Variants in GUCY2D observed in about 807,000 individuals in gnomAD.
The protein encoded by GUCY2D is retinal guanylyl cyclase 1.
Under a neutral mutation model 101.3 loss-of-function variants are expected in GUCY2D, and 70 were observed. The ratio of observed to expected loss-of-function variants is 0.69; its 90% confidence interval spans 0.57 to 0.84. GUCY2D has a LOEUF of 0.84. Ranked by LOEUF, GUCY2D falls within the 40% of genes least tolerant of loss-of-function variation. The pLI is 0.00. For synonymous variants in GUCY2D, 688 were observed against 670.7 expected (o/e 1.03, Z -0.40); for missense variants, 1,460 against 1,542.5 (o/e 0.95, Z 0.90).
chr17:8,004,142 C>G lies in GUCY2D; in HGVS notation c.1012C>G (p.Leu338Val), dbSNP rs2151799779. The change falls in exon 3 of 20, where the codon CTC becomes GTC. Residue 338 changes from leucine (L) to valine (V), a missense_variant. Physicochemically the swap from Leu to Val is conservative, Grantham distance 32 (BLOSUM62 1). Around this residue, in one of 3 missense-constraint regions of GUCY2D, gnomAD observed 1,196 missense variants for 1,229.6 expected, o/e 0.97. Transcript: ENST00000254854. ...AQERRELPSD[L>V]NLQQVSPLFG... ...AGAGCGCCGCGAGCTGCCCTCTGAC[C>G]TCAATCTGCAGCAGGTAGACGGTCC... 1 of 1,592,972 alleles carries G rather than the reference C, an allele frequency of 6.3e-7. No homozygotes were observed. The highest frequency in any genetic ancestry group is 8.5e-7 in the Non-Finnish European group (1 of 1,174,658).
Position 8,016,430 on chromosome 17 carries a change from C to T in GUCY2D, c.3225-13C>T. 8 of 1,548,634 alleles carry T rather than the reference C, an allele frequency of 5.2e-6. No individual in the cohort carries two copies. Among genetic ancestry groups the T allele is most frequent in the Non-Finnish European group, 7.0e-6 (8 of 1,144,670 alleles). On this transcript the variant is annotated splice_polypyrimidine_tract_variant and intron_variant, in intron 18 of 19. Transcript: ENST00000254854. Reference sequence around the variant, plus strand: ...CATTCCCCTTCCCTGAGGCCACCGCCCCCTCCTTGCAGGTCCAGCAACCAC... The same window carrying T: ...CATTCCCCTTCCCTGAGGCCACCGCTCCCTCCTTGCAGGTCCAGCAACCAC...
chr17:8,005,682 A>G (rs1975723266), intron 3 of GUCY2D, among the ~76,000 whole-genome samples: 2 of 152,032 alleles, frequency 1.3e-5, no homozygotes, highest in African/African-American at 4.8e-5. Context: ...AGTTTCCCCT[A>G]CTTTTACTCA....
chr17:8,015,895 T>A (rs1380473156), intron 16 of GUCY2D, 32 bp from the exon 17 acceptor site: 4 of 1,594,124 alleles, frequency 2.5e-6, no homozygotes, highest in Non-Finnish European at 3.4e-6. Flanking sequence ...GGGAGGTGAG[T>A]CCCGAGCTCA....
Position 8,002,971 on chromosome 17 carries a change from G to T in GUCY2D, c.-9-68G>T. 1 of 1,231,588 alleles carries T rather than the reference G, an allele frequency of 8.1e-7. No homozygotes were observed. The highest frequency in any genetic ancestry group is 1.1e-6 in the Non-Finnish European group (1 of 890,450). 76.3% of individuals were successfully genotyped at this position (1,231,588 alleles called of 1,614,324 possible). On this transcript the variant is annotated intron_variant, in intron 1 of 19. Coordinates refer to ENST00000254854, the MANE Select transcript of GUCY2D (RefSeq NM_000180.4). This position sits in a 1 kb window ranked among gnomAD's most constrained non-coding sequence, Gnocchi z 4.9. ...GTTACTCGGGCTTGGAGAAACTCGG[G>T]GTTACGGGGAGAACCCTAGGGGAGG... is the stretch of plus-strand genomic sequence containing the variant.
chr17:8,016,515 G>C lies in GUCY2D; in HGVS notation c.3297G>C (p.Pro1099=). ...GACGGAAGCTGGAGAAGGCGCGGCC[G>C]GGCCAGTTCTCTTGAGAAGTGAGGC... ...ERRRKLEKAR[P]GQFS Residue 1099 remains proline, a synonymous_variant, in exon 19 of 20, where the codon CCG becomes CCC. Transcript: ENST00000254854. The C allele has an allele frequency of 4.5e-6, 7 of 1,568,972 alleles. No homozygotes were observed. Among genetic ancestry groups the C allele is most frequent in the Non-Finnish European group, 6.0e-6 (7 of 1,158,016 alleles).
chr17:8,007,350 C>G (rs532339805), intron 5 of GUCY2D, 76 bp from the exon 6 acceptor site: 1 of 1,069,654 alleles, frequency 9.3e-7, no homozygotes, highest in Non-Finnish European at 1.5e-6. Flanking sequence ...CAACGTTATC[C>G]CTCCCCCGCA....
rs1975918552 is a variant in GUCY2D at position 8,014,361 on chromosome 17, T to A, written c.2413-240T>A. The A allele has an allele frequency of 3.3e-6, 2 of 613,700 alleles. No homozygotes were observed. The highest frequency in any genetic ancestry group is 3.7e-5 in the South Asian group (2 of 53,390). 38.0% of individuals were successfully genotyped at this position (613,700 alleles called of 1,614,324 possible). On this transcript the variant is annotated intron_variant, in intron 12 of 19. Transcript: ENST00000254854. The surrounding 1 kb of genome is among the most constrained non-coding windows in gnomAD (Gnocchi z 4.0). ...AACGATTGGGCTGGCTCCAGTGCCC[T>A]GTCAATTACTAGCTGAGATCAACTG...
In GUCY2D at chr17:8,015,992, G is replaced by A. The variant is rs1186594594; in HGVS notation, c.3109G>A (p.Val1037Met). ...ILRALDSGYQ[V>M]ELRGRTELKG... ...CCGTGCTCTGGACTCGGGCTACCAG[G>A]TGGAGCTGCGAGGCCGCACGGAGCT... Residue 1037 changes from valine (V) to methionine (M), a missense_variant, in exon 17 of 20, where the codon GTG becomes ATG. Val to Met is a conservative substitution (Grantham distance 21). Around this residue, in one of 3 missense-constraint regions of GUCY2D, gnomAD observed 215 missense variants for 227.9 expected, o/e 0.94. Transcript: ENST00000254854. 6.2e-6 allele frequency: 10 copies of A among 1,610,728 alleles called. No individual in the cohort carries two copies. In the South Asian group the frequency reaches 8.9e-5, roughly 14 times the overall value.
At chr17:8,018,836 CTT>C (rs879429161) in intron 19 of GUCY2D, among the ~76,000 whole-genome samples, 4 of 141,546 alleles carry the variant, frequency 2.8e-5, no homozygotes, top group African/African-American at 5.2e-5. Context: ...ACTTTGCCTT[CTT>C]TTTTTTTTTT....
At chr17:8,012,967 A>T in intron 10 of GUCY2D, 136 bp from the exon 11 acceptor site, 1 of 720,018 alleles carries the variant, frequency 1.4e-6, no homozygotes, top group Non-Finnish European at 2.3e-6. Flanking sequence ...AGATAGTTGC[A>T]GGGCTGGTCT....
rs1424137999 is a variant in GUCY2D, at chr17:8,003,584, C to T, written c.537C>T (p.Phe179=). 1.9e-6 allele frequency: 3 copies of T among 1,584,200 alleles called. No individual in the cohort carries two copies. Among genetic ancestry groups the T allele is most frequent in the Non-Finnish European group, 2.6e-6 (3 of 1,172,044 alleles). ...ADALYALLRA[F]GWARVALVTA... Reference sequence around the variant, plus strand: ...CCCTCTACGCCCTGCTTCGCGCATTCGGCTGGGCGCGCGTGGCCCTGGTCA... The same window carrying T: ...CCCTCTACGCCCTGCTTCGCGCATTTGGCTGGGCGCGCGTGGCCCTGGTCA... The change falls in exon 2 of 20, where the codon TTC becomes TTT. Residue 179 remains phenylalanine, a synonymous_variant. Transcript: ENST00000254854.
intron 14 of GUCY2D, 43 bp from the exon 15 acceptor site, chr17:8,015,285 G>A (rs552064079): frequency 1.3e-6 from 2 of 1,565,596 alleles, no homozygotes; most frequent in East Asian, 2.2e-5. Flanking sequence ...GTACTCGGGG[G>A]GAATGCTCAA....
In GUCY2D at chr17:8,006,489, G is replaced by T. The variant is rs1975741545; in HGVS notation, c.1153G>T (p.Ala385Ser). 2 of 1,607,970 alleles carry T rather than the reference G, an allele frequency of 1.2e-6. No homozygotes were observed. Among genetic ancestry groups the T allele is most frequent in the Non-Finnish European group, 1.7e-6 (2 of 1,179,954 alleles). ...AGCTGTGGCCCGCCACATCCGGGATGCGCAGGTCCCTGGCTTCTGCGGGGA... is the reference window on the plus strand; with the variant it reads ...AGCTGTGGCCCGCCACATCCGGGATTCGCAGGTCCCTGGCTTCTGCGGGGA... ...GAAVARHIRD[A>S]QVPGFCGDLG... is the part of the protein sequence containing the mutation. The change falls in exon 4 of 20, where the codon GCG becomes TCG. Residue 385 changes from alanine to serine, a missense_variant. Coordinates refer to ENST00000254854, the MANE Select transcript of GUCY2D (RefSeq NM_000180.4).
chr17:8,003,020 G>A lies in GUCY2D; in HGVS notation c.-9-19G>A, dbSNP rs1189018489. The A allele has an allele frequency of 1.3e-6, 2 of 1,522,192 alleles. No individual in the cohort carries two copies. The highest frequency in any genetic ancestry group is 1.8e-6 in the Non-Finnish European group (2 of 1,140,436). 94.3% of individuals were successfully genotyped at this position (1,522,192 alleles called of 1,614,324 possible). A position where few individuals can be genotyped will look rare whatever the true frequency, so the allele number is the denominator to read the frequency against. On this transcript the variant is annotated intron_variant, in intron 1 of 19. Coordinates refer to ENST00000254854, the MANE Select transcript of GUCY2D (RefSeq NM_000180.4). Reference sequence around the variant, plus strand: ...GGCCGGGGTCTCAGTCGCTCAGCCTGCTCCGTCTGTGTTCGCAGAAGCCGG... The same window carrying A: ...GGCCGGGGTCTCAGTCGCTCAGCCTACTCCGTCTGTGTTCGCAGAAGCCGG...
rs1488118274 is a variant in GUCY2D at position 8,015,018 on chromosome 17, T to C, written c.2736T>C (p.Phe912=). 1 of 1,614,054 alleles carries C rather than the reference T, an allele frequency of 6.2e-7. No individual in the cohort carries two copies. ...VDLLNDLYTL[F]DAIIGSHDVY... ...TGCTCAACGATCTCTACACACTCTT[T>C]GATGCCATCATTGGTTCCCACGATG... is the stretch of plus-strand genomic sequence containing the variant. The change falls in exon 14 of 20, where the codon TTT becomes TTC. Residue 912 remains phenylalanine (F), a synonymous_variant. Transcript: ENST00000254854.
In GUCY2D at chr17:8,006,714, G is replaced by A; in HGVS notation, c.1378G>A (p.Gly460Arg). The change falls in exon 4 of 20, where the codon GGA becomes AGA. Residue 460 changes from glycine (G) to arginine (R), a missense_variant and splice_region_variant. Coordinates refer to ENST00000254854, the MANE Select transcript of GUCY2D (RefSeq NM_000180.4). ...WFDPNNICGG[G>R]LEPGLVFLGF... ...CGATCCAAACAACATCTGCGGTGGA[G>A]GTGAGGGCGAGCACCCCAGTCCCCA... is the stretch of plus-strand genomic sequence containing the variant. 1 of 1,599,706 alleles carries A rather than the reference G, an allele frequency of 6.3e-7. No individual in the cohort carries two copies. Among genetic ancestry groups the A allele is most frequent in the Non-Finnish European group, 8.5e-7 (1 of 1,172,334 alleles).
At chr17:8,004,371 A>G (rs1567957677) in intron 3 of GUCY2D, among the ~76,000 whole-genome samples, 1 of 152,200 alleles carries the variant, frequency 6.6e-6, no homozygotes, top group Non-Finnish European at 1.5e-5. Context: ...CAAGTCCAAC[A>G]TCAAGCAGTA....
rs1478009358 is a variant in GUCY2D, at chr17:8,014,755, T to C, written c.2567T>C (p.Met856Thr). 1.6e-6 allele frequency: 2 copies of C among 1,220,830 alleles called. No homozygotes were observed. The highest frequency in any genetic ancestry group is 1.6e-5 in the African/African-American group (1 of 63,394). The allele number at this position is 1,220,830 out of a possible 1,614,324, so 75.6% of individuals were successfully genotyped here. Residue 856 changes from methionine (M) to threonine (T), a missense_variant, in exon 13 of 20, where the codon ATG becomes ACG. This residue lies in a region of GUCY2D where 1,196 missense variants were observed against 1,229.6 expected (regional missense o/e 0.97). Transcript: ENST00000254854. This position sits in a 1 kb window ranked among gnomAD's most constrained non-coding sequence, Gnocchi z 4.0. ...AAGACAGACCGGCTGCTTACACAGA[T>C]GCTGCCTCCGTGGGTGCCAGTGGGA... ...KQKTDRLLTQ[M>T]LPPSVAEALK...
In GUCY2D at chr17:8,003,180, C is replaced by T; in HGVS notation, c.133C>T (p.Leu45=). Residue 45 remains leucine (L), a synonymous_variant, in exon 2 of 20, where the codon CTG becomes TTG. Coordinates refer to ENST00000254854, the MANE Select transcript of GUCY2D (RefSeq NM_000180.4). ...CCCGCTCCTGCTGCTCCTGCTTCTG[C>T]TGCAGCCCCCCGCCCTCTCCGCCGT... The part of the protein sequence containing the change: ...RLPLLLLLLL[L]QPPALSAVFT... The T allele has an allele frequency of 2.6e-6, 4 of 1,514,316 alleles. No individual in the cohort carries two copies. Among genetic ancestry groups the T allele is most frequent in the Non-Finnish European group, 3.5e-6 (4 of 1,137,182 alleles). The allele number at this position is 1,514,316 out of a possible 1,614,324, so 93.8% of individuals were successfully genotyped here.
Sources: gnomAD v4.1 joint callset for allele counts (sites outside exome capture counted in the v4.1 genomes callset) on GRCh38, gnomAD v4.1.1 for gene constraint, gnomAD v4.1.1 regional missense constraint, Gnocchi (gnomAD v3.1) non-coding constraint, MANE v1.5 for transcripts, NCBI Gene and HGNC (gene_info 2026-07-23, HGNC 2026-07-21) for gene names.